Variants in ACAP1 observed in about 807,000 individuals in gnomAD.
The protein encoded by ACAP1 is ArfGAP with coiled-coil, ankyrin repeat and PH domains 1, also known as arf-GAP with coiled-coil, ANK repeat and PH domain-containing protein 1.
In ACAP1, 45 loss-of-function variants were observed where a neutral mutation model predicts 98.8. The ratio of observed to expected loss-of-function variants is 0.46; its 90% confidence interval spans 0.36 to 0.58. The LOEUF is 0.58. Ranked by LOEUF, ACAP1 falls within the 20% of genes least tolerant of loss-of-function variation. The pLI is 0.00. For synonymous variants in ACAP1, 362 were observed against 375.3 expected, an observed-to-expected ratio of 0.96 and a Z score of 0.41; for missense variants, 735 against 971.4, an observed-to-expected ratio of 0.76 and a Z score of 3.24.
intron 2 of ACAP1, among the ~76,000 whole-genome samples, chr17:7,341,182 G>C (rs1206489645): frequency 3.3e-5 from 5 of 152,160 alleles, no homozygotes; most frequent in Admixed American, 3.3e-4. Flanking sequence ...ACAGAGTCTC[G>C]GTCTGTCACC....
At chr17:7,342,907 C>CAAAA (rs35515243) in intron 5 of ACAP1, 9 of 69,052 alleles carry the variant, frequency 1.3e-4, no homozygotes, top group East Asian at 4.9e-4. Context: ...GACTCTGCCT[C>CAAAA]AAAAAAAAAA....
At chr17:7,340,889 C>T (rs2073269295) in intron 2 of ACAP1, among the ~76,000 whole-genome samples, 2 of 152,082 alleles carry the variant, frequency 1.3e-5, no homozygotes, top group African/African-American at 4.8e-5. Flanking sequence ...CTATGTTGGT[C>T]AGGCTGATAT....
At chr17:7,336,811 G>T in intron 1 of ACAP1, 24 bp downstream of exon 1, 1 of 1,613,004 alleles carries the variant, frequency 6.2e-7, no homozygotes, top group South Asian at 1.1e-5. Context: ...GGTCTGGGGG[G>T]CTAAGGAGGG....
rs2073310064 is a variant in ACAP1, at chr17:7,343,247, C to CG, written c.345-131dup. 1.1e-6 allele frequency: 1 copy of CG among 930,324 alleles called. No homozygotes were observed. Among genetic ancestry groups the CG allele is most frequent in the African/African-American group, 1.7e-5 (1 of 60,206 alleles). The allele number at this position is 930,324 out of a possible 1,614,324, so 57.6% of individuals were successfully genotyped here. The stretch of plus-strand genomic sequence containing the variant: ...TGGGGGTTTCTGGTGTCCTGACTTC[C>CG]GTCCCAGGGATCACCTTGGGTTTCC... On this transcript the variant is annotated intron_variant, in intron 5 of 21. Coordinates refer to ENST00000158762, the MANE Select transcript of ACAP1 (RefSeq NM_014716.4). The surrounding 1 kb of genome is among the most constrained non-coding windows in gnomAD (Gnocchi z 4.9).
At chr17:7,342,377 T>A (rs1236167420) in intron 4 of ACAP1, 39 bp from the exon 5 acceptor site, 1 of 1,613,428 alleles carries the variant, frequency 6.2e-7, no homozygotes, top group South Asian at 1.1e-5. Context: ...AGGTCACCTG[T>A]GGTCCTGACC....
rs2073286961 is a variant in ACAP1 at position 7,342,042 on chromosome 17, T to A, written c.206T>A (p.Leu69Gln). 1 of 1,613,998 alleles carries A rather than the reference T, an allele frequency of 6.2e-7. No individual in the cohort carries two copies. Among genetic ancestry groups the A allele is most frequent in the African/African-American group, 1.3e-5 (1 of 74,898 alleles). Residue 69 changes from leucine (L) to glutamine (Q), a missense_variant, in exon 3 of 22, where the codon CTG (leucine) becomes CAG (glutamine). Physicochemically the swap from Leu to Gln is moderately radical, Grantham distance 113 (BLOSUM62 -2). This residue lies in a region of ACAP1 where 430 missense variants were observed against 531.8 expected (regional missense o/e 0.81). Coordinates refer to ENST00000158762, the MANE Select transcript of ACAP1 (RefSeq NM_014716.4). ...GTCGGCATTTGTGACCTGGCCCGCC[T>A]GGGTCCACCAGAGCCCATGATGGCG... ...FVVGICDLAR[L>Q]GPPEPMMAEC... is the part of the protein sequence containing the mutation.
Position 7,344,190 on chromosome 17 carries a change from T to C in ACAP1, c.744+67T>C, listed in dbSNP as rs537448256. The C allele has an allele frequency of 3.8e-4, 571 of 1,500,296 alleles. No homozygotes were observed. The highest frequency in any genetic ancestry group is 4.9e-4 in the Non-Finnish European group (538 of 1,102,038). 92.9% of individuals were successfully genotyped at this position (1,500,296 alleles called of 1,614,324 possible). A position where few individuals can be genotyped will look rare whatever the true frequency, so the allele number is the denominator to read the frequency against. ...ATGTTGGGAGGCTGAGGTGGGAAGATTGCTTGAGGCCTGGAGTTCAAGATT... is the reference window on the plus strand; with the variant it reads ...ATGTTGGGAGGCTGAGGTGGGAAGACTGCTTGAGGCCTGGAGTTCAAGATT... On this transcript the variant is annotated intron_variant, in intron 9 of 21. Coordinates refer to ENST00000158762, the MANE Select transcript of ACAP1 (RefSeq NM_014716.4). This position sits in a 1 kb window ranked among gnomAD's most constrained non-coding sequence, Gnocchi z 4.9.
At chr17:7,337,785 C>T (rs1286168259) in intron 2 of ACAP1, among the ~76,000 whole-genome samples, 2 of 151,934 alleles carry the variant, frequency 1.3e-5, no homozygotes, top group African/African-American at 2.4e-5. Context: ...ACCTGGGAGG[C>T]GGAGGTTGCA....
chr17:7,346,656 G>A (rs1489658193), intron 12 of ACAP1, 152 bp from the exon 13 acceptor site: 9 of 1,130,080 alleles, frequency 8.0e-6, no homozygotes, highest in African/African-American at 3.1e-5. Flanking sequence ...AGGGTGATGG[G>A]GGATATTTAG....
rs2073410096 is a variant in ACAP1 at position 7,351,477 on chromosome 17, C to G, written c.*82C>G. On this transcript the variant is annotated 3_prime_UTR_variant, in exon 22 of 22. Coordinates refer to ENST00000158762, the MANE Select transcript of ACAP1 (RefSeq NM_014716.4). Reference sequence around the variant, plus strand: ...ATTAAAGCCTCCGTGCTTCGCTCTTCCCTTCTGGTTCACTTCTTGGGCGCC... The same window carrying G: ...ATTAAAGCCTCCGTGCTTCGCTCTTGCCTTCTGGTTCACTTCTTGGGCGCC... 7 of 1,094,318 alleles carry G rather than the reference C, an allele frequency of 6.4e-6. No homozygotes were observed. The South Asian group carries it at 1.0e-4, about 16-fold the overall frequency. The allele number at this position is 1,094,318 out of a possible 1,614,324, so 67.8% of individuals were successfully genotyped here. A position where few individuals can be genotyped will look rare whatever the true frequency, so the allele number is the denominator to read the frequency against.
Position 7,348,415 on chromosome 17 carries a change from C to T in ACAP1, c.1618C>T (p.Pro540Ser). The T allele has an allele frequency of 1.3e-6, 2 of 1,527,722 alleles. No individual in the cohort carries two copies. The highest frequency in any genetic ancestry group is 2.2e-5 in the Admixed American group (1 of 45,060). 94.6% of individuals were successfully genotyped at this position (1,527,722 alleles called of 1,614,324 possible). A position where few individuals can be genotyped will look rare whatever the true frequency, so the allele number is the denominator to read the frequency against. The change falls in exon 17 of 22, where the codon CCT becomes TCT. Residue 540 changes from proline to serine, a missense_variant. Pro to Ser is a moderately conservative substitution (Grantham distance 74, BLOSUM62 -1). Transcript: ENST00000158762. ...TGGCCGGGGGCGCCCAAGGGGGCAG[C>T]CTCCTGTGCCCCCAAAGCCTTCCAT... ...RGGRGRPRGQPPVPPKPSIRP... is the reference protein window; with the variant it reads ...RGGRGRPRGQSPVPPKPSIRP...
In ACAP1 at chr17:7,349,981, G is replaced by C. The variant is rs762534928; in HGVS notation, c.1888G>C (p.Gly630Arg). The change falls in exon 19 of 22, where the codon GGG becomes CGG. Residue 630 changes from glycine to arginine, a missense_variant. Coordinates refer to ENST00000158762, the MANE Select transcript of ACAP1 (RefSeq NM_014716.4). Reference protein sequence around the residue: ...LLACEFLLQNGANVNQADSAG... With the variant: ...LLACEFLLQNRANVNQADSAG... ...GGCCTGTGAGTTTCTCCTCCAGAAC[G>C]GGGCGAACGTGAACCAAGCGGACAG... The C allele has an allele frequency of 1.4e-5, 23 of 1,612,788 alleles. No individual in the cohort carries two copies. In the South Asian group the frequency reaches 2.2e-4, roughly 15 times the overall value.
rs746367494 is a variant in ACAP1 at position 7,343,937 on chromosome 17, G to T, written c.650G>T (p.Arg217Leu). Residue 217 changes from arginine to leucine, a missense_variant, in exon 8 of 22, where the codon CGA (arginine) becomes CTA (leucine). Arg to Leu is a moderately radical substitution (Grantham distance 102). This residue lies in a region of ACAP1 where 430 missense variants were observed against 531.8 expected (regional missense o/e 0.81). Coordinates refer to ENST00000158762, the MANE Select transcript of ACAP1 (RefSeq NM_014716.4). The surrounding 1 kb of genome is among the most constrained non-coding windows in gnomAD (Gnocchi z 4.9). ...HEELSRLSQYRKELGAQLHQL... is the reference protein window; with the variant it reads ...HEELSRLSQYLKELGAQLHQL... ...GAGCTGAGCCGGCTGTCCCAGTATC[G>T]AAAGGAGCTGGGCGCCCAGGTGGGG... is the stretch of plus-strand genomic sequence containing the variant. 6.3e-7 allele frequency: 1 copy of T among 1,597,540 alleles called. No individual in the cohort carries two copies. Among genetic ancestry groups the T allele is most frequent in the Middle Eastern group, 1.7e-4 (1 of 6,020 alleles).
rs1026744178 is a variant in ACAP1, at chr17:7,347,952, G to A, written c.1374G>A (p.Arg458=). ...RSLGVHFSKV[R]SLTLDSWEPE... is the part of the protein sequence containing the mutation. ...TTGGTGTTCACTTCTCCAAAGTCCGGTCTCTGACCCTTGACTCATGGGAGC... is the reference window on the plus strand; with the variant it reads ...TTGGTGTTCACTTCTCCAAAGTCCGATCTCTGACCCTTGACTCATGGGAGC... The change falls in exon 15 of 22, where the codon CGG becomes CGA. Residue 458 remains arginine, a synonymous_variant. Coordinates refer to ENST00000158762, the MANE Select transcript of ACAP1 (RefSeq NM_014716.4). 6.2e-7 allele frequency: 1 copy of A among 1,614,202 alleles called. No homozygotes were observed. The highest frequency in any genetic ancestry group is 1.7e-5 in the Admixed American group (1 of 60,022).
intron 14 of ACAP1, chr17:7,347,646 T>C (rs1487694017): frequency 1.8e-6 from 1 of 566,216 alleles, no homozygotes; most frequent in Non-Finnish European, 3.2e-6. Flanking sequence ...CAGGCCAAAG[T>C]GTCACAAGTG....
intron 2 of ACAP1, among the ~76,000 whole-genome samples, chr17:7,341,592 A>T (rs2073279123): frequency 6.6e-6 from 1 of 152,166 alleles, no homozygotes; most frequent in Admixed American, 6.5e-5. Context: ...ACCATGCAGG[A>T]ATCTCCACGG....
In ACAP1 at chr17:7,349,711, C is replaced by T. The variant is rs2073383857; in HGVS notation, c.1852-234C>T. On this transcript the variant is annotated intron_variant, in intron 18 of 21. Coordinates refer to ENST00000158762, the MANE Select transcript of ACAP1 (RefSeq NM_014716.4). ...TTTAACAAGTTATTAACCTCTCAGC[C>T]TCATCTGTAAAATAGTAACATACCT... The T allele has an allele frequency of 1.5e-5, 7 of 475,212 alleles. 1 individual carries two copies. Among genetic ancestry groups the T allele is most frequent in the Non-Finnish European group, 2.6e-5 (7 of 269,082 alleles). The allele number at this position is 475,212 out of a possible 1,614,324, so 29.4% of individuals were successfully genotyped here. A position where few individuals can be genotyped will look rare whatever the true frequency, so the allele number is the denominator to read the frequency against.
intron 1 of ACAP1, 32 bp from the exon 2 acceptor site, chr17:7,337,280 A>G (rs1169181717): frequency 1.2e-6 from 2 of 1,611,378 alleles, no homozygotes; most frequent in East Asian, 4.5e-5. Context: ...AGATGGACCC[A>G]AGCTCTCTTC....
Position 7,346,495 on chromosome 17 carries a change from A to T in ACAP1, c.1007+4A>T, listed in dbSNP as rs1161126852. ...TTGAGGTGGTGTCCACCAGCAAGTG[A>T]GTGCAATCCCCAGGGGTGATACTCT... On this transcript the variant is annotated splice_donor_region_variant and intron_variant, in intron 12 of 21. Coordinates refer to ENST00000158762, the MANE Select transcript of ACAP1 (RefSeq NM_014716.4). 1.9e-6 allele frequency: 3 copies of T among 1,600,332 alleles called. No individual in the cohort carries two copies. Among genetic ancestry groups the T allele is most frequent in the Admixed American group, 1.7e-5 (1 of 57,868 alleles).
Sources: allele counts gnomAD v4.1 joint callset (sites outside exome capture counted in the v4.1 genomes callset), GRCh38; gene constraint gnomAD v4.1.1; regional missense constraint gnomAD v4.1.1; non-coding constraint Gnocchi (gnomAD v3.1); transcripts MANE v1.5; gene names NCBI Gene and HGNC (gene_info 2026-07-23, HGNC 2026-07-21).